The following KIF6 variants were observed in gnomAD, a reference collection of about 807,000 sequenced individuals.
The protein encoded by KIF6 is kinesin family member 6.
KIF6 carries 106 observed loss-of-function variants against 112.7 expected under a neutral mutation model. The observed-to-expected ratio is 0.94, with a 90% CI of 0.80 to 1.11. The LOEUF (loss-of-function observed/expected upper bound fraction) is 1.11, where lower values mean the gene tolerates loss of function less well. Ranked by LOEUF, KIF6 falls within the 50% of genes least tolerant of loss-of-function variation. The pLI, the probability that KIF6 is intolerant of heterozygous loss-of-function variation, is 0.00. For synonymous variants in KIF6, 339 were observed against 339.9 expected (o/e 1.00, Z 0.03); for missense variants, 929 against 964.0 (o/e 0.96, Z 0.48).
intron 3 of KIF6, among the ~76,000 whole-genome samples, chr6:39,707,454 T>C (rs964396596): frequency 6.6e-6 from 1 of 152,210 alleles, no homozygotes; most frequent in African/African-American, 2.4e-5. Context: ...TTCTCCAGCA[T>C]CCAATCTGGG....
At position 39,584,970 on chromosome 6, in the gene KIF6, G is replaced by C. The variant is rs1178418780; in HGVS notation, c.1005C>G (p.Thr335=). 1 of 1,605,430 alleles carries C rather than the reference G, an allele frequency of 6.2e-7. No individual in the cohort carries two copies. Among genetic ancestry groups the C allele is most frequent in the South Asian group, 1.1e-5 (1 of 90,664 alleles). The part of the protein sequence containing the change: ...EKRNLDESIS[T]CRFAQRVALI... ...GTGCCACTCGCTGTGCAAATCTGCAGGTTGATATAGACTCCTAAGAAAGCA... is the reference window on the plus strand; with the variant it reads ...GTGCCACTCGCTGTGCAAATCTGCACGTTGATATAGACTCCTAAGAAAGCA... The change falls in exon 9 of 23, where the codon ACC becomes ACG. Residue 335 remains threonine, a synonymous_variant. Coordinates refer to ENST00000287152, the MANE Select transcript of KIF6 (RefSeq NM_145027.6).
At chr6:39,677,359 C>T (rs1157734527) in intron 3 of KIF6, among the ~76,000 whole-genome samples, 1 of 151,982 alleles carries the variant, frequency 6.6e-6, no homozygotes, top group Admixed American at 6.6e-5. Context: ...GTTTTTAACA[C>T]ATCTCCCTTG....
intron 13 of KIF6, among the ~76,000 whole-genome samples, chr6:39,438,984 G>T (rs1771742058): frequency 6.6e-6 from 1 of 152,216 alleles, no homozygotes; most frequent in Non-Finnish European, 1.5e-5. Context: ...TGCTGTACAG[G>T]TTTGTAGCTG....
chr6:39,521,312 T>C (rs1777388384), intron 13 of KIF6, among the ~76,000 whole-genome samples: 1 of 152,224 alleles, frequency 6.6e-6, no homozygotes. Flanking sequence ...GCTCTTGCTT[T>C]AGTGTCTGTA....
At chr6:39,652,836 ATAT>A (rs1785557167) in intron 3 of KIF6, among the ~76,000 whole-genome samples, 1 of 152,170 alleles carries the variant, frequency 6.6e-6, no homozygotes, top group African/African-American at 2.4e-5. Context: ...TCTAAATATA[ATAT>A]TCTTTCTACT....
intron 16 of KIF6, among the ~76,000 whole-genome samples, chr6:39,366,526 G>C (rs761255069): frequency 8.5e-5 from 13 of 152,164 alleles, no homozygotes; most frequent in Non-Finnish European, 1.3e-4. Context: ...TGGGTAAAAA[G>C]ACAGGATGAC....
At chr6:39,435,492 A>C (rs1454717300) in intron 13 of KIF6, among the ~76,000 whole-genome samples, 1 of 152,184 alleles carries the variant, frequency 6.6e-6, no homozygotes, top group East Asian at 1.9e-4. Flanking sequence ...AATAGTGTAC[A>C]TTGTACCCAA....
At chr6:39,429,162 T>C (rs1349023722) in intron 14 of KIF6, among the ~76,000 whole-genome samples, 1 of 152,390 alleles carries the variant, frequency 6.6e-6, no homozygotes, top group South Asian at 2.1e-4. Flanking sequence ...AAAGCCAGGA[T>C]GATAGTCTAG....
intron 13 of KIF6, among the ~76,000 whole-genome samples, chr6:39,495,833 G>A (rs375506374): frequency 2.6e-5 from 4 of 152,288 alleles, no homozygotes; most frequent in African/African-American, 4.8e-5. Context: ...GCTTCCGGAT[G>A]GGGGAGGGGA....
chr6:39,609,817 A>C (rs1457244011), intron 6 of KIF6, among the ~76,000 whole-genome samples: 3 of 152,138 alleles, frequency 2.0e-5, no homozygotes, highest in Non-Finnish European at 1.5e-5. Context: ...GACTGCTCCC[A>C]AATTTAGCCT....
intron 13 of KIF6, among the ~76,000 whole-genome samples, chr6:39,532,700 T>C (rs1425276687): frequency 6.6e-6 from 1 of 152,204 alleles, no homozygotes; most frequent in Non-Finnish European, 1.5e-5. Context: ...AACTAAAATA[T>C]ATGCTTCTTA....
chr6:39,485,678 G>A (rs768764845), intron 13 of KIF6, among the ~76,000 whole-genome samples: 1 of 152,164 alleles, frequency 6.6e-6, no homozygotes, highest in Non-Finnish European at 1.5e-5. Context: ...CCACTGTCAC[G>A]AAAGGAGCAT....
chr6:39,584,442 A>C (rs1244959032), intron 9 of KIF6, among the ~76,000 whole-genome samples: 20 of 126,106 alleles, frequency 1.6e-4, no homozygotes, highest in Admixed American at 5.4e-4. Flanking sequence ...AAAAAAAAAA[A>C]AAAAAAAAAA....
At chr6:39,717,457 A>C (rs1205809812) in intron 2 of KIF6, among the ~76,000 whole-genome samples, 1 of 152,098 alleles carries the variant, frequency 6.6e-6, no homozygotes, top group African/African-American at 2.4e-5. Flanking sequence ...ACCTCCATCA[A>C]GTCTTTGCTC....
intron 3 of KIF6, among the ~76,000 whole-genome samples, chr6:39,648,967 C>A (rs1169081521): frequency 5.4e-5 from 8 of 149,082 alleles, no homozygotes; most frequent in Admixed American, 1.3e-4. Flanking sequence ...TGAGACCAGC[C>A]TGGTCAACAT....
chr6:39,670,310 A>T (rs1786734831), intron 3 of KIF6, among the ~76,000 whole-genome samples: 1 of 152,238 alleles, frequency 6.6e-6, no homozygotes, highest in Non-Finnish European at 1.5e-5. Context: ...TGAATGATGC[A>T]GTCAAAGATC....
chr6:39,470,523 G>C (rs1019683350), intron 13 of KIF6, among the ~76,000 whole-genome samples: 1 of 152,160 alleles, frequency 6.6e-6, no homozygotes, highest in African/African-American at 2.4e-5. Flanking sequence ...TATCTAAGAA[G>C]GATGCCTGTG....
intron 10 of KIF6, among the ~76,000 whole-genome samples, chr6:39,550,973 A>G (rs1044504128): frequency 6.6e-5 from 10 of 152,140 alleles, no homozygotes; most frequent in African/African-American, 1.4e-4. Flanking sequence ...CACACACCAC[A>G]TTTTCTTTAT....
chr6:39,481,092 A>G (rs1774767293), intron 13 of KIF6, among the ~76,000 whole-genome samples: 1 of 152,060 alleles, frequency 6.6e-6, no homozygotes, highest in African/African-American at 2.4e-5. Context: ...TCTATATTTA[A>G]GTGAGAAAAC....
Sources: gnomAD v4.1 joint callset for allele counts (sites outside exome capture counted in the v4.1 genomes callset) on GRCh38, gnomAD v4.1.1 for gene constraint, MANE v1.5 for transcripts, NCBI Gene and HGNC (gene_info 2026-07-23, HGNC 2026-07-21) for gene names.